Variants in UFD1 observed in about 807,000 individuals in gnomAD.
UFD1 encodes ubiquitin recognition factor in ER associated degradation 1, also known as ubiquitin recognition factor in ER-associated degradation protein 1.
Under a neutral mutation model 45.9 loss-of-function variants are expected in UFD1, and 13 were observed. That is an observed-to-expected ratio of 0.28 (90% CI 0.18 to 0.45). The LOEUF (loss-of-function observed/expected upper bound fraction) is 0.45, where lower values mean the gene tolerates loss of function less well. Among genes scored for constraint, UFD1 ranks in the 20% least tolerant of loss-of-function variants. UFD1 has a pLI of 1.00. For missense variants in UFD1, 218 were observed against 389.2 expected (o/e 0.56, Z 3.70); for synonymous variants, 128 against 139.2 (o/e 0.92, Z 0.56).
chr22:19,452,346 T>C (rs1304739886), intron 11 of UFD1: 4 of 152,176 alleles, frequency 2.6e-5, no homozygotes, highest in South Asian at 2.1e-4. Flanking sequence ...TTTAACTTAA[T>C]TGCTTCTTTA....
At chr22:19,465,536 G>A in intron 5 of UFD1, 1 of 448,632 alleles carries the variant, frequency 2.2e-6, no homozygotes, top group African/African-American at 2.0e-5. Flanking sequence ...AGGGCAGTGA[G>A]ATTCCATCCA....
chr22:19,457,585 G>T (rs1186387540), intron 7 of UFD1, among the ~76,000 whole-genome samples: 1 of 152,116 alleles, frequency 6.6e-6, no homozygotes, highest in Non-Finnish European at 1.5e-5. Flanking sequence ...GGCCGAGGCG[G>T]GTGGATTACC....
intron 11 of UFD1, chr22:19,453,508 G>A: frequency 2.0e-6 from 2 of 985,480 alleles, no homozygotes; most frequent in Middle Eastern, 5.2e-4. Flanking sequence ...GTCAGCCTGG[G>A]GGACGTCCCA....
chr22:19,462,939 TAAGG>T (rs907529634), intron 6 of UFD1, among the ~76,000 whole-genome samples: 1 of 152,244 alleles, frequency 6.6e-6, no homozygotes, highest in Non-Finnish European at 1.5e-5. Flanking sequence ...CCTTATTCTT[TAAGG>T]AAGGTTTTGA....
intron 11 of UFD1, 67 bp downstream of exon 11, chr22:19,454,682 C>T (rs1421810968): frequency 6.2e-7 from 1 of 1,610,324 alleles, no homozygotes; most frequent in Non-Finnish European, 8.5e-7. Flanking sequence ...ATGCCAAGAA[C>T]TTCAGTCATC....
intron 6 of UFD1, among the ~76,000 whole-genome samples, chr22:19,458,967 G>C (rs1341727343): frequency 6.6e-6 from 1 of 152,048 alleles, no homozygotes; most frequent in Admixed American, 6.6e-5. Context: ...GCCTACAGTT[G>C]GGCAAAATCA....
intron 3 of UFD1, 131 bp from the exon 4 acceptor site, chr22:19,471,939 CCT>C (rs1437439702): frequency 1.5e-6 from 2 of 1,304,448 alleles, no homozygotes; most frequent in Non-Finnish European, 2.1e-6. Context: ...GATGAATCCC[CCT>C]CTGTGAGAGC....
At chr22:19,457,020 A>T (rs2089728440) in intron 7 of UFD1, 102 bp from the exon 8 acceptor site, 1 of 801,810 alleles carries the variant, frequency 1.2e-6, no homozygotes, top group South Asian at 1.5e-5. Context: ...ATGCAGTTTT[A>T]AGAAATAATA....
At chr22:19,464,845 C>T (rs1314518371) in intron 6 of UFD1, among the ~76,000 whole-genome samples, 1 of 152,204 alleles carries the variant, frequency 6.6e-6, no homozygotes, top group Non-Finnish European at 1.5e-5. Flanking sequence ...GGACAAGGAC[C>T]CAGCAGGGTT....
chr22:19,454,581 C>T lies in UFD1; in HGVS notation c.849+168G>A, dbSNP rs1046454069. 4 of 1,406,334 alleles carry T rather than the reference C, an allele frequency of 2.8e-6. No homozygotes were observed. The African/African-American group carries it at 4.3e-5, about 15-fold the overall frequency. The allele number at this position is 1,406,334 out of a possible 1,614,324, so 87.1% of individuals were successfully genotyped here. On this transcript the variant is annotated intron_variant, in intron 11 of 11. Coordinates refer to ENST00000263202, the MANE Select transcript of UFD1 (RefSeq NM_005659.7). ...CTCCCCAGCCATGTGAACTGTAAGT[C>T]CATTAAACCTCTTTCTTTTGTAAAT...
chr22:19,471,213 A>T (rs765974347), intron 4 of UFD1: 1 of 510,524 alleles, frequency 2.0e-6, no homozygotes, highest in African/African-American at 1.9e-5. Flanking sequence ...TTCCAAAGAG[A>T]GCCTGCTTGT....
chr22:19,479,178 C>T lies in UFD1; in HGVS notation c.-93G>A, dbSNP rs531417225. ...TCCCAGCCGCCGCTGCCGCTGCCGCCGCGCCAAGCCGGTACGCCCCAGAGG... is the reference window on the plus strand; with the variant it reads ...TCCCAGCCGCCGCTGCCGCTGCCGCTGCGCCAAGCCGGTACGCCCCAGAGG... On this transcript the variant is annotated 5_prime_UTR_variant, in exon 1 of 12. Coordinates refer to ENST00000263202, the MANE Select transcript of UFD1 (RefSeq NM_005659.7). 5.1e-6 allele frequency: 8 copies of T among 1,575,330 alleles called. No homozygotes were observed. The highest frequency in any genetic ancestry group is 2.4e-5 in the East Asian group (1 of 42,450).
At chr22:19,459,999 A>G (rs901952555) in intron 6 of UFD1, among the ~76,000 whole-genome samples, 15 of 151,816 alleles carry the variant, frequency 9.9e-5, no homozygotes, top group African/African-American at 3.6e-4. Flanking sequence ...AGCCTCCCAA[A>G]GTGCTGGGAT....
intron 4 of UFD1, among the ~76,000 whole-genome samples, chr22:19,469,212 A>G (rs2089826272): frequency 6.6e-6 from 1 of 152,212 alleles, no homozygotes; most frequent in Non-Finnish European, 1.5e-5. Context: ...TCTAACAGGA[A>G]GTATTCTAAG....
intron 4 of UFD1, chr22:19,470,678 G>A (rs191838830): frequency 2.2e-6 from 1 of 450,740 alleles, no homozygotes; most frequent in Non-Finnish European, 4.5e-6. Context: ...CTGACCTCAA[G>A]TGATCTGCCC....
intron 1 of UFD1, among the ~76,000 whole-genome samples, chr22:19,476,439 C>T (rs2089881889): frequency 6.6e-6 from 1 of 152,128 alleles, no homozygotes; most frequent in Non-Finnish European, 1.5e-5. Flanking sequence ...ATGATGCTTT[C>T]TTACAGCAAC....
At chr22:19,453,989 T>G in intron 11 of UFD1, 7 of 985,692 alleles carry the variant, frequency 7.1e-6, no homozygotes, top group Non-Finnish European at 8.4e-6. Context: ...GGCCTGGCCA[T>G]ATTCCCACAA....
At position 19,461,815 on chromosome 22, in the gene UFD1, GT is replaced by G. The variant is rs201455128; in HGVS notation, c.495+3386del. ...GGCTATACAATTATTTAGGCTGTTT[GT>G]TTTTTTTTTTCTTTAGTCAAACTTC... On this transcript the variant is annotated intron_variant, in intron 6 of 11. Coordinates refer to ENST00000263202, the MANE Select transcript of UFD1 (RefSeq NM_005659.7). Among the ~76,000 whole-genome samples, 97 of 143,280 alleles carry G rather than the reference GT, an allele frequency of 6.8e-4. 1 individual carries two copies. Among genetic ancestry groups the G allele is most frequent in the East Asian group, 5.6e-3 (28 of 4,964 alleles). The allele number at this position is 143,280 out of a possible 152,430, so 94.0% of individuals were successfully genotyped here.
At chr22:19,459,623 ACAAACAAACAAG>A (rs941153554) in intron 6 of UFD1, among the ~76,000 whole-genome samples, 4 of 152,240 alleles carry the variant, frequency 2.6e-5, no homozygotes, top group Admixed American at 6.5e-5. Context: ...TCAAAAACAA[ACAAACAAACAAG>A]CAAACAAACA....
Sources: gnomAD v4.1 joint callset for allele counts (sites outside exome capture counted in the v4.1 genomes callset) on GRCh38, gnomAD v4.1.1 for gene constraint, MANE v1.5 for transcripts, NCBI Gene and HGNC (gene_info 2026-07-23, HGNC 2026-07-21) for gene names.